Variants in ADGRB3 observed in about 807,000 individuals in gnomAD.
ADGRB3 encodes adhesion G protein-coupled receptor B3.
A neutral mutation model predicts 193.4 loss-of-function variants in ADGRB3; 37 were observed. The observed-to-expected ratio is 0.19, with a 90% CI of 0.15 to 0.25. The LOEUF (loss-of-function observed/expected upper bound fraction) is 0.25, where lower values mean the gene tolerates loss of function less well. Ranked by LOEUF, ADGRB3 falls within the 10% of genes least tolerant of loss-of-function variation. The probability of loss-of-function intolerance (pLI) is 1.00; values close to 1 mark genes in which losing one functional copy is unlikely to be tolerated. For synonymous variants in ADGRB3, 690 were observed against 644.2 expected, an observed-to-expected ratio of 1.07 and a Z score of -1.08; for missense variants, 1,637 against 1,852.9, an observed-to-expected ratio of 0.88 and a Z score of 2.14.
At chr6:69,242,198 A>T (rs920300864) in intron 20 of ADGRB3, among the ~76,000 whole-genome samples, 1 of 152,074 alleles carries the variant, frequency 6.6e-6, no homozygotes, top group Admixed American at 6.6e-5. Flanking sequence ...TGTTGTCTGT[A>T]TAAACTTATG....
At chr6:68,661,452 C>A (rs1435540717) in intron 3 of ADGRB3, among the ~76,000 whole-genome samples, 2 of 81,794 alleles carry the variant, frequency 2.4e-5, no homozygotes, top group East Asian at 3.1e-4. Context: ...TGTGTGTATA[C>A]ATATATATGT....
At chr6:69,110,673 A>C (rs1481871442) in intron 17 of ADGRB3, among the ~76,000 whole-genome samples, 1 of 152,194 alleles carries the variant, frequency 6.6e-6, no homozygotes, top group African/African-American at 2.4e-5. Context: ...TAGTTTAAAA[A>C]CTTACCTACT....
intron 3 of ADGRB3, among the ~76,000 whole-genome samples, chr6:68,696,737 T>C (rs1255772387): frequency 6.6e-6 from 1 of 152,024 alleles, no homozygotes; most frequent in Non-Finnish European, 1.5e-5. Flanking sequence ...TCATAAAGTG[T>C]TCAGGTCCTT....
intron 13 of ADGRB3, among the ~76,000 whole-genome samples, chr6:69,028,320 A>C (rs1308067845): frequency 6.6e-6 from 1 of 152,214 alleles, no homozygotes; most frequent in Non-Finnish European, 1.5e-5. Flanking sequence ...TTCTTTTGAA[A>C]GCTGTTTTCG....
chr6:68,881,222 T>C (rs1765720772), intron 3 of ADGRB3, among the ~76,000 whole-genome samples: 1 of 152,088 alleles, frequency 6.6e-6, no homozygotes. Flanking sequence ...ATTTTACATA[T>C]TTAGCATCAA....
intron 10 of ADGRB3, among the ~76,000 whole-genome samples, chr6:68,984,168 G>A (rs1769006365): frequency 6.6e-6 from 1 of 152,118 alleles, no homozygotes; most frequent in African/African-American, 2.4e-5. Context: ...GGGATGGTTT[G>A]ATTAGATCTA....
intron 3 of ADGRB3, among the ~76,000 whole-genome samples, chr6:68,801,230 A>C (rs911063153): frequency 2.6e-5 from 4 of 152,148 alleles, no homozygotes; most frequent in Non-Finnish European, 5.9e-5. Context: ...CTTAATAGAA[A>C]TGTTTCTCTT....
chr6:68,996,036 G>T (rs918550870), intron 11 of ADGRB3, among the ~76,000 whole-genome samples: 2 of 151,950 alleles, frequency 1.3e-5, no homozygotes, highest in Admixed American at 6.6e-5. Context: ...TTTAGTTTTT[G>T]CCATGTCCAA....
chr6:68,878,497 G>A (rs1214517336), intron 3 of ADGRB3, among the ~76,000 whole-genome samples: 1 of 151,846 alleles, frequency 6.6e-6, no homozygotes, highest in Non-Finnish European at 1.5e-5. Context: ...TATACAACAT[G>A]CTTTGTGTTT....
chr6:69,388,534 A>G (rs1265398464), intron 31 of ADGRB3, among the ~76,000 whole-genome samples, 169 bp from the exon 32 acceptor site: 2 of 152,250 alleles, frequency 1.3e-5, no homozygotes, highest in East Asian at 1.9e-4. Context: ...TTGTTCAATG[A>G]AATAAAACTA....
At chr6:69,155,280 C>T (rs1774802679) in intron 17 of ADGRB3, among the ~76,000 whole-genome samples, 1 of 152,184 alleles carries the variant, frequency 6.6e-6, no homozygotes, top group Admixed American at 6.5e-5. Context: ...AATACTACTT[C>T]CATTCTCCAT....
rs573465971 is a variant in ADGRB3, at chr6:69,137,469, C to A, written c.2480+61431C>A. 2.6e-5 allele frequency among the ~76,000 whole-genome samples: 4 copies of A among 151,876 alleles called. No individual in the cohort carries two copies. In the East Asian group the frequency reaches 7.7e-4, roughly 29 times the overall value. On this transcript the variant is annotated intron_variant, in intron 17 of 31. Coordinates refer to ENST00000370598, the MANE Select transcript of ADGRB3 (RefSeq NM_001704.3). ...ATCAGAAGCTTAAAAGAGTAGTTTC[C>A]GAAACAAGAGAGTTCACTATATTAG...
chr6:68,657,766 T>C (rs1373490543), intron 3 of ADGRB3, among the ~76,000 whole-genome samples: 1 of 151,456 alleles, frequency 6.6e-6, no homozygotes, highest in African/African-American at 2.4e-5. Flanking sequence ...AATAGGTGAA[T>C]CTATATGCAA....
In ADGRB3 at chr6:68,902,842, T is replaced by G. The variant is rs552533729; in HGVS notation, c.758-27717T>G. Among the ~76,000 whole-genome samples, 9 of 152,276 alleles carry G rather than the reference T, an allele frequency of 5.9e-5. No individual in the cohort carries two copies. In the South Asian group the frequency reaches 1.9e-3, roughly 32 times the overall value. On this transcript the variant is annotated intron_variant, in intron 3 of 31. Transcript: ENST00000370598. ...AGGACTAGACACTGATTAAAAGTCT[T>G]TCTCACCTCACATATATGATTTTGA...
intron 3 of ADGRB3, among the ~76,000 whole-genome samples, chr6:68,653,058 A>G (rs564613677): frequency 2.0e-5 from 3 of 152,188 alleles, no homozygotes; most frequent in African/African-American, 7.2e-5. Flanking sequence ...TTGTGAGCAA[A>G]AGTGACATTG....
chr6:69,294,917 T>A (rs748157356), intron 20 of ADGRB3, among the ~76,000 whole-genome samples: 1 of 152,174 alleles, frequency 6.6e-6, no homozygotes, highest in Non-Finnish European at 1.5e-5. Flanking sequence ...ATTTTCATAT[T>A]CTATATCACC....
At chr6:68,859,722 G>T (rs1483500047) in intron 3 of ADGRB3, among the ~76,000 whole-genome samples, 1 of 152,112 alleles carries the variant, frequency 6.6e-6, no homozygotes, top group East Asian at 1.9e-4. Context: ...TCTCCCACCA[G>T]GTCCCTCCCA....
At chr6:68,835,119 A>C (rs566362768) in intron 3 of ADGRB3, among the ~76,000 whole-genome samples, 7 of 152,128 alleles carry the variant, frequency 4.6e-5, no homozygotes, top group Non-Finnish European at 1.0e-4. Flanking sequence ...AACACATTAA[A>C]CTTTGACCTT....
chr6:69,044,439 A>C (rs1279652814), intron 13 of ADGRB3, among the ~76,000 whole-genome samples: 1 of 152,224 alleles, frequency 6.6e-6, no homozygotes, highest in Non-Finnish European at 1.5e-5. Flanking sequence ...CTCAGGGAAA[A>C]GGTTAGAATT....
Sources: gnomAD v4.1 joint callset for allele counts (sites outside exome capture counted in the v4.1 genomes callset) on GRCh38, gnomAD v4.1.1 for gene constraint, MANE v1.5 for transcripts, NCBI Gene and HGNC (gene_info 2026-07-23, HGNC 2026-07-21) for gene names.